The following NDNF variants were observed in gnomAD, a reference collection of about 807,000 sequenced individuals.
NDNF encodes protein NDNF.
Under a neutral mutation model 42.0 loss-of-function variants are expected in NDNF, and 16 were observed. The observed-to-expected ratio is 0.38, with a 90% CI of 0.26 to 0.58. The LOEUF (loss-of-function observed/expected upper bound fraction) is 0.58. NDNF is among the 20% of genes least tolerant of loss of function. The probability of loss-of-function intolerance (pLI) is 0.67; values close to 1 mark genes in which losing one functional copy is unlikely to be tolerated. For missense variants in NDNF, 616 were observed against 666.2 expected (o/e 0.92, Z 0.83); for synonymous variants, 248 against 251.7 (o/e 0.99, Z 0.14).
At chr4:121,051,348 G>A (rs6833075) in intron 1 of NDNF, among the ~76,000 whole-genome samples, 116,344 of 152,042 alleles carry the variant, frequency 0.77, 45,342 homozygotes, top group East Asian at 0.88. Flanking sequence ...AACATGTACA[G>A]ACAATTCTAA....
intron 1 of NDNF, among the ~76,000 whole-genome samples, chr4:121,060,188 T>A (rs1343117543): frequency 6.6e-6 from 1 of 152,162 alleles, no homozygotes. Flanking sequence ...TTTTTTTATT[T>A]TTTTAGTTTT....
In NDNF at chr4:121,037,545, T is replaced by C. The variant is rs1360058873; in HGVS notation, c.426A>G (p.Pro142=). Reference sequence around the variant, plus strand: ...GAAGATCCAACTGATATAAACCGGATGGGGAACTAGACGATATAAAATACT... The same window carrying C: ...GAAGATCCAACTGATATAAACCGGACGGGGAACTAGACGATATAAAATACT... ...DVEYFISSSS[P]SGLYQLDLLS... Residue 142 remains proline, a synonymous_variant, in exon 4 of 4, where the codon CCA becomes CCG. Coordinates refer to ENST00000379692, the MANE Select transcript of NDNF (RefSeq NM_024574.4). 1.2e-6 allele frequency: 2 copies of C among 1,614,002 alleles called. No homozygotes were observed. Among genetic ancestry groups the C allele is most frequent in the Non-Finnish European group, 1.7e-6 (2 of 1,179,938 alleles).
At position 121,036,731 on chromosome 4, in the gene NDNF, T is replaced by C; in HGVS notation, c.1240A>G (p.Lys414Glu). Residue 414 changes from lysine to glutamate, a missense_variant, in exon 4 of 4, where the codon AAA becomes GAA. By Grantham distance (56) the Lys-to-Glu change is moderately conservative. Transcript: ENST00000379692. ...IQQFQLRGKP[K>E]AKYLVRLKGN... ...TTCAGTCGAACGAGGTATTTAGCTT[T>C]AGGTTTTCCTCTAAGCTGAAACTGC... 1.2e-6 allele frequency: 2 copies of C among 1,614,158 alleles called. No homozygotes were observed. Among genetic ancestry groups the C allele is most frequent in the Non-Finnish European group, 1.7e-6 (2 of 1,180,038 alleles).
chr4:121,065,987 T>TA (rs995675930), intron 1 of NDNF, among the ~76,000 whole-genome samples: 4 of 151,686 alleles, frequency 2.6e-5, no homozygotes, highest in East Asian at 1.9e-4. Flanking sequence ...ATTTAAAAGT[T>TA]AAAAAAAAGC....
At chr4:121,039,188 G>GTTTATA (rs1726945307) in intron 3 of NDNF, among the ~76,000 whole-genome samples, 2 of 66,640 alleles carry the variant, frequency 3.0e-5, no homozygotes, top group Admixed American at 1.9e-4. Context: ...ATGTGTGTGT[G>GTTTATA]TGTGTATATA....
intron 2 of NDNF, among the ~76,000 whole-genome samples, chr4:121,042,088 G>T (rs995722035): frequency 6.6e-6 from 1 of 152,088 alleles, no homozygotes; most frequent in Non-Finnish European, 1.5e-5. Flanking sequence ...GGCACTTATT[G>T]TTACTTGTGA....
At chr4:121,051,998 A>C (rs1450567215) in intron 1 of NDNF, among the ~76,000 whole-genome samples, 2 of 152,226 alleles carry the variant, frequency 1.3e-5, no homozygotes, top group Non-Finnish European at 2.9e-5. Flanking sequence ...GACGTGATAT[A>C]AATTAATGCA....
intron 2 of NDNF, among the ~76,000 whole-genome samples, chr4:121,044,379 A>G (rs1479146136): frequency 6.6e-6 from 1 of 152,190 alleles, no homozygotes; most frequent in Non-Finnish European, 1.5e-5. Flanking sequence ...GGTTAGAAGG[A>G]GCAACTGGTT....
Position 121,036,914 on chromosome 4 carries a change from C to T in NDNF, c.1057G>A (p.Val353Ile), listed in dbSNP as rs937693864. 1 of 1,613,958 alleles carries T rather than the reference C, an allele frequency of 6.2e-7. No individual in the cohort carries two copies. The highest frequency in any genetic ancestry group is 8.5e-7 in the Non-Finnish European group (1 of 1,179,992). The change falls in exon 4 of 4, where the codon GTA becomes ATA. Residue 353 changes from valine to isoleucine, a missense_variant. Physicochemically the swap from Val to Ile is conservative, Grantham distance 29 (BLOSUM62 3). Transcript: ENST00000379692. Reference protein sequence around the residue: ...VELKDGKITDVFVKRKGAKFL... With the variant: ...VELKDGKITDIFVKRKGAKFL... ...TTTGCTCCCTTCCTTTTAACAAATA[C>T]ATCTGTTATCTTCCCATCTTTTAGC...
At chr4:121,057,226 C>T (rs1727311900) in intron 1 of NDNF, among the ~76,000 whole-genome samples, 1 of 152,070 alleles carries the variant, frequency 6.6e-6, no homozygotes, top group South Asian at 2.1e-4. Flanking sequence ...AGGGGCCCTT[C>T]TAGGCTAAGT....
chr4:121,045,508 G>T, intron 2 of NDNF, 142 bp downstream of exon 2: 1 of 646,678 alleles, frequency 1.5e-6, no homozygotes, highest in Non-Finnish European at 2.6e-6. Context: ...GCACTGCCAT[G>T]TTCCCCCTTA....
chr4:121,036,716 C>G lies in NDNF; in HGVS notation c.1255G>C (p.Val419Leu), dbSNP rs202169296. The G allele has an allele frequency of 1.2e-6, 2 of 1,614,098 alleles. No individual in the cohort carries two copies. Among genetic ancestry groups the G allele is most frequent in the Admixed American group, 3.3e-5 (2 of 59,994 alleles). The change falls in exon 4 of 4, where the codon GTT (valine) becomes CTT (leucine). Residue 419 changes from valine to leucine, a missense_variant. Physicochemically the swap from Val to Leu is conservative, Grantham distance 32. Coordinates refer to ENST00000379692, the MANE Select transcript of NDNF (RefSeq NM_024574.4). ...CCTTTCTTGTTTCCTTTCAGTCGAA[C>G]GAGGTATTTAGCTTTAGGTTTTCCT... ...LRGKPKAKYL[V>L]RLKGNKKGAS...
At chr4:121,049,972 G>C (rs1456480976) in intron 1 of NDNF, among the ~76,000 whole-genome samples, 1 of 152,166 alleles carries the variant, frequency 6.6e-6, no homozygotes, top group Admixed American at 6.5e-5. Flanking sequence ...TACTGTTGGG[G>C]AAAAACTTAA....
At chr4:121,048,469 G>A (rs1727131767) in intron 1 of NDNF, among the ~76,000 whole-genome samples, 1 of 152,184 alleles carries the variant, frequency 6.6e-6, no homozygotes, top group African/African-American at 2.4e-5. Flanking sequence ...TGGAAAAATA[G>A]TGTCGATTGA....
intron 1 of NDNF, among the ~76,000 whole-genome samples, chr4:121,055,783 T>C (rs1191266266): frequency 6.6e-6 from 1 of 151,938 alleles, no homozygotes; most frequent in East Asian, 1.9e-4. Flanking sequence ...AGAGACATAT[T>C]AGAGAAAGGC....
chr4:121,057,580 T>A (rs1434868475), intron 1 of NDNF, among the ~76,000 whole-genome samples: 2 of 152,154 alleles, frequency 1.3e-5, no homozygotes, highest in African/African-American at 4.8e-5. Context: ...ACGTCCATTA[T>A]CAGATGAAAC....
At chr4:121,047,475 A>T (rs1727113762) in intron 1 of NDNF, among the ~76,000 whole-genome samples, 4 of 152,224 alleles carry the variant, frequency 2.6e-5, no homozygotes. Flanking sequence ...AAAGGATACA[A>T]ATACAGGTGG....
intron 1 of NDNF, among the ~76,000 whole-genome samples, chr4:121,051,013 C>T (rs1560606748): frequency 6.6e-6 from 1 of 152,088 alleles, no homozygotes; most frequent in African/African-American, 2.4e-5. Flanking sequence ...TATACACACA[C>T]ATATTTTTAG....
At chr4:121,062,679 G>A (rs1727433134) in intron 1 of NDNF, among the ~76,000 whole-genome samples, 1 of 152,154 alleles carries the variant, frequency 6.6e-6, no homozygotes, top group Non-Finnish European at 1.5e-5. Flanking sequence ...AAGATACACA[G>A]TTAGGTGTGG....
Sources: gnomAD v4.1 joint callset for allele counts (sites outside exome capture counted in the v4.1 genomes callset) on GRCh38, gnomAD v4.1.1 for gene constraint, MANE v1.5 for transcripts, NCBI Gene and HGNC (gene_info 2026-07-23, HGNC 2026-07-21) for gene names.